Variants in PHF20 observed in about 807,000 individuals in gnomAD.
PHF20 encodes the protein glioma-expressed antigen 2.
A neutral mutation model predicts 113.5 loss-of-function variants in PHF20; 23 were observed. That is an observed-to-expected ratio of 0.20 (90% confidence interval 0.15 to 0.29). The LOEUF is 0.29. Among genes scored for constraint, PHF20 ranks in the 10% least tolerant of loss-of-function variants. The probability of loss-of-function intolerance (pLI) is 1.00; values close to 1 mark genes in which losing one functional copy is unlikely to be tolerated. For missense variants in PHF20, 943 were observed against 1,219.6 expected (o/e 0.77, Z 3.38); for synonymous variants, 434 against 457.3 (o/e 0.95, Z 0.65).
chr20:35,884,098 G>T (rs576015320), intron 9 of PHF20, among the ~76,000 whole-genome samples: 4 of 152,230 alleles, frequency 2.6e-5, no homozygotes, highest in African/African-American at 9.6e-5. Context: ...AGTACAGGAC[G>T]ATCCAGAAAG....
At chr20:35,846,630 G>A (rs1056559772) in intron 3 of PHF20, among the ~76,000 whole-genome samples, 5 of 152,238 alleles carry the variant, frequency 3.3e-5, no homozygotes, top group African/African-American at 1.2e-4. Context: ...TCCTATACTG[G>A]ATGTGTATTC....
intron 4 of PHF20, among the ~76,000 whole-genome samples, chr20:35,852,894 AC>A (rs1348669159): frequency 1.4e-5 from 2 of 147,448 alleles, no homozygotes; most frequent in African/African-American, 5.0e-5. Flanking sequence ...ACCGTGCCCG[AC>A]CTGACTAATC....
intron 2 of PHF20, among the ~76,000 whole-genome samples, chr20:35,829,730 C>T (rs1187230931): frequency 1.3e-5 from 2 of 151,876 alleles, no homozygotes; most frequent in African/African-American, 4.8e-5. Context: ...CGCCATGGCT[C>T]ATGCCTATAA....
intron 5 of PHF20, among the ~76,000 whole-genome samples, chr20:35,860,385 C>T (rs888374132): frequency 1.1e-4 from 17 of 151,786 alleles, no homozygotes; most frequent in African/African-American, 3.9e-4. Flanking sequence ...GGACTACAGG[C>T]ATGCACCACT....
chr20:35,834,909 T>C (rs1000783042), intron 2 of PHF20, among the ~76,000 whole-genome samples: 2 of 152,222 alleles, frequency 1.3e-5, no homozygotes, highest in Non-Finnish European at 2.9e-5. Context: ...GGAAAACTAT[T>C]GATTTTTGAA....
chr20:35,790,961 C>T (rs954252985), intron 1 of PHF20, among the ~76,000 whole-genome samples: 7 of 152,034 alleles, frequency 4.6e-5, no homozygotes, highest in African/African-American at 1.4e-4. Context: ...TGGGTTCGAG[C>T]GATTCTCCTG....
intron 5 of PHF20, 138 bp from the exon 6 acceptor site, chr20:35,862,871 TTGTC>T: frequency 4.2e-6 from 3 of 708,678 alleles, no homozygotes; most frequent in Non-Finnish European, 7.0e-6. Context: ...CAGGTGGCTG[TTGTC>T]AGTGGTGCTT....
At chr20:35,772,722 C>T (rs1042607282) in intron 1 of PHF20, among the ~76,000 whole-genome samples, 2 of 151,684 alleles carry the variant, frequency 1.3e-5, no homozygotes, top group African/African-American at 4.8e-5. Context: ...TTCCTTTTTT[C>T]GGGCCTCCAA....
intron 4 of PHF20, among the ~76,000 whole-genome samples, chr20:35,851,654 G>A (rs1415572634): frequency 6.8e-6 from 1 of 146,208 alleles, no homozygotes; most frequent in Non-Finnish European, 1.5e-5. Flanking sequence ...AGTGGCTTAT[G>A]CCTGTAATCC....
chr20:35,836,701 G>A (rs576925029), intron 2 of PHF20, among the ~76,000 whole-genome samples: 45 of 152,016 alleles, frequency 3.0e-4, no homozygotes, highest in South Asian at 8.3e-4. Flanking sequence ...AAAATTAGCC[G>A]GGCAAGGTGG....
intron 1 of PHF20, among the ~76,000 whole-genome samples, chr20:35,790,745 A>G (rs971896396): frequency 6.6e-6 from 1 of 152,106 alleles, no homozygotes; most frequent in African/African-American, 2.4e-5. Context: ...TTAAGCTCCA[A>G]AAGAGAGTTT....
intron 1 of PHF20, among the ~76,000 whole-genome samples, chr20:35,775,545 G>C (rs756513658): frequency 2.0e-5 from 3 of 152,024 alleles, no homozygotes; most frequent in Non-Finnish European, 4.4e-5. Context: ...CACGAGGTCA[G>C]GAGTTCGAGA....
chr20:35,833,864 C>T lies in PHF20; in HGVS notation c.84-8709C>T, dbSNP rs573779732. 4.6e-3 allele frequency among the ~76,000 whole-genome samples: 698 copies of T among 152,162 alleles called. 6 individuals are homozygous for T. The highest frequency in any genetic ancestry group is 7.1e-3 in the Non-Finnish European group (480 of 67,998). ...CACGAAGTCAGGAGTTCAAGACCAG[C>T]CTGGCCAACATGGTGAAACCCCGTC... On this transcript the variant is annotated intron_variant, in intron 2 of 17. Coordinates refer to ENST00000374012, the MANE Select transcript of PHF20 (RefSeq NM_016436.5).
intron 4 of PHF20, among the ~76,000 whole-genome samples, chr20:35,850,301 T>TTTTTTTTGG (rs1211943192): frequency 2.0e-5 from 2 of 97,836 alleles, no homozygotes; most frequent in Non-Finnish European, 4.0e-5. Flanking sequence ...CCTCCGTTTT[T>TTTTTTTTGG]TTTTTTTTTT....
At chr20:35,897,210 T>A (rs892854290) in intron 9 of PHF20, among the ~76,000 whole-genome samples, 7 of 148,362 alleles carry the variant, frequency 4.7e-5, no homozygotes, top group African/African-American at 1.5e-4. Flanking sequence ...ATTAACAAAA[T>A]TTTTTTTTTT....
rs112115172 is a variant in PHF20, at chr20:35,902,876, A to G, written c.1561+3228A>G. ...TAAACTCTGAATACACAGTCTCTTT[A>G]TCTCAGTGAAAGCATTTACCCAGGC... is the stretch of plus-strand genomic sequence containing the variant. On this transcript the variant is annotated intron_variant, in intron 10 of 17. Transcript: ENST00000374012. Among the ~76,000 whole-genome samples, 866 of 152,262 alleles carry G rather than the reference A, an allele frequency of 5.7e-3. 10 individuals carry two copies. The highest frequency in any genetic ancestry group is 0.02 in the African/African-American group (845 of 41,558).
At chr20:35,812,562 C>T (rs2041996881) in intron 2 of PHF20, among the ~76,000 whole-genome samples, 1 of 152,140 alleles carries the variant, frequency 6.6e-6, no homozygotes, top group Non-Finnish European at 1.5e-5. Flanking sequence ...CTTGTATTCT[C>T]TTCTATTTCC....
At chr20:35,808,317 T>A (rs78098129) in intron 2 of PHF20, among the ~76,000 whole-genome samples, 7,280 of 152,218 alleles carry the variant, frequency 0.048, 218 homozygotes, top group African/African-American at 0.089. Flanking sequence ...AGATGTTAAA[T>A]GACAGTGATG....
In PHF20 at chr20:35,807,690, C is replaced by T. The variant is rs541533989; in HGVS notation, c.83+6085C>T. 7.9e-5 allele frequency among the ~76,000 whole-genome samples: 12 copies of T among 152,150 alleles called. No individual in the cohort carries two copies. The South Asian group carries it at 2.1e-3, about 26-fold the overall frequency. On this transcript the variant is annotated intron_variant, in intron 2 of 17. Transcript: ENST00000374012. ...ATATATTTTTTCTCTTTGGTTATTG[C>T]TGGCATGAAGGAATATTGTTAACCA...
Sources: gnomAD v4.1 joint callset for allele counts (sites outside exome capture counted in the v4.1 genomes callset) on GRCh38, gnomAD v4.1.1 for gene constraint, MANE v1.5 for transcripts, NCBI Gene and HGNC (gene_info 2026-07-23, HGNC 2026-07-21) for gene names.